Variants in GAPVD1 observed in about 807,000 individuals in gnomAD.
GAPVD1 encodes the protein GTPase-activating protein and VPS9 domain-containing protein 1.
Under a neutral mutation model 155.5 loss-of-function variants are expected in GAPVD1, and 35 were observed. The ratio of observed to expected loss-of-function variants is 0.23; its 90% confidence interval spans 0.17 to 0.30. GAPVD1 has a LOEUF of 0.30. GAPVD1 is among the 10% of genes least tolerant of loss of function. The pLI is 1.00. For missense variants in GAPVD1, 1,429 were observed against 1,775.7 expected, an observed-to-expected ratio of 0.80 and a Z score of 3.51; for synonymous variants, 636 against 619.7, an observed-to-expected ratio of 1.03 and a Z score of -0.39.
chr9:125,275,900 G>A (rs529646942), intron 2 of GAPVD1, among the ~76,000 whole-genome samples: 1 of 152,322 alleles, frequency 6.6e-6, no homozygotes, highest in South Asian at 2.1e-4. Context: ...AGCTATTCAT[G>A]TGTATTGATA....
rs146803389 is a variant in GAPVD1 at position 125,335,183 on chromosome 9, A to G, written c.2429-1835A>G. Reference sequence around the variant, plus strand: ...CCGTGTGAGGCCAGATTTTCTTTATATACTTCAGCCAAAACAACATTTTCA... The same window carrying G: ...CCGTGTGAGGCCAGATTTTCTTTATGTACTTCAGCCAAAACAACATTTTCA... On this transcript the variant is annotated intron_variant, in intron 15 of 27. Coordinates refer to ENST00000297933, the MANE Select transcript of GAPVD1 (RefSeq NM_001282680.3). The G allele has an allele frequency of 1.8e-5, 14 of 768,798 alleles. No individual in the cohort carries two copies. The East Asian group carries it at 2.9e-4, about 16-fold the overall frequency. 47.6% of individuals were successfully genotyped at this position (768,798 alleles called of 1,614,324 possible).
chr9:125,357,986 A>C (rs182710539), intron 25 of GAPVD1, among the ~76,000 whole-genome samples: 3,750 of 150,520 alleles, frequency 0.025, 54 homozygotes, highest in Non-Finnish European at 0.027. Context: ...AAAAAAAAAA[A>C]ACACACACAC....
chr9:125,319,881 C>T (rs996437273), intron 9 of GAPVD1, among the ~76,000 whole-genome samples: 3 of 152,066 alleles, frequency 2.0e-5, no homozygotes, highest in African/African-American at 4.8e-5. Context: ...AGGCATGAGC[C>T]GCCACCGCTC....
intron 2 of GAPVD1, among the ~76,000 whole-genome samples, chr9:125,270,898 G>A (rs1025864581): frequency 2.0e-5 from 3 of 152,136 alleles, no homozygotes; most frequent in African/African-American, 4.8e-5. Context: ...GCGATGAGCC[G>A]AGATCGTGCC....
chr9:125,273,926 C>T (rs893156323), intron 2 of GAPVD1, among the ~76,000 whole-genome samples: 1 of 151,120 alleles, frequency 6.6e-6, no homozygotes, highest in African/African-American at 2.4e-5. Context: ...GAGCTCTTTT[C>T]TTTTTTTTAA....
At chr9:125,293,519 A>G (rs1243760067) in intron 2 of GAPVD1, among the ~76,000 whole-genome samples, 1 of 140,220 alleles carries the variant, frequency 7.1e-6, no homozygotes, top group Non-Finnish European at 1.5e-5. Flanking sequence ...GTGTGATCTC[A>G]GTTGACTCTA....
At chr9:125,325,539 A>AC (rs71374252) in intron 11 of GAPVD1, among the ~76,000 whole-genome samples, 8 of 148,998 alleles carry the variant, frequency 5.4e-5, no homozygotes, top group Admixed American at 2.0e-4. Flanking sequence ...AAAAAAAAAA[A>AC]GATGATGCCC....
chr9:125,355,499 A>G, intron 24 of GAPVD1, 145 bp from the exon 25 acceptor site: 1 of 588,764 alleles, frequency 1.7e-6, no homozygotes, highest in Non-Finnish European at 3.0e-6. Context: ...ATATTGTCCT[A>G]AAATAAACTA....
chr9:125,286,536 T>A (rs889200591), intron 2 of GAPVD1, among the ~76,000 whole-genome samples: 19 of 152,166 alleles, frequency 1.2e-4, no homozygotes, highest in African/African-American at 4.6e-4. Flanking sequence ...CAGGAAAAAA[T>A]TATATTTGTT....
intron 12 of GAPVD1, among the ~76,000 whole-genome samples, chr9:125,328,863 C>A (rs981762204): frequency 2.0e-5 from 3 of 152,000 alleles, no homozygotes; most frequent in Non-Finnish European, 4.4e-5. Context: ...CCGGACGGGG[C>A]GGCTGGCCGG....
chr9:125,295,896 G>T (rs757555348), intron 3 of GAPVD1, among the ~76,000 whole-genome samples: 1 of 152,028 alleles, frequency 6.6e-6, no homozygotes, highest in Admixed American at 6.6e-5. Flanking sequence ...GAGATTAGGC[G>T]ATTTGGCTAG....
intron 11 of GAPVD1, among the ~76,000 whole-genome samples, chr9:125,325,232 A>G (rs1486394325): frequency 6.7e-6 from 1 of 150,316 alleles, no homozygotes; most frequent in Non-Finnish European, 1.5e-5. Flanking sequence ...TTGAAAAAAA[A>G]AAAGATGGGC....
intron 8 of GAPVD1, chr9:125,308,387 AG>A (rs1842175342): frequency 6.5e-6 from 1 of 152,920 alleles, no homozygotes; most frequent in African/African-American, 2.4e-5. Flanking sequence ...CTTTCTACAA[AG>A]TTCTAAATAA....
At chr9:125,360,784 G>T in intron 27 of GAPVD1, 59 bp downstream of exon 27, 1 of 1,248,614 alleles carries the variant, frequency 8.0e-7, no homozygotes, top group Non-Finnish European at 1.2e-6. Flanking sequence ...AGGTGGCACA[G>T]GGCTTCACAC....
At chr9:125,345,400 C>T (rs111629653) in intron 19 of GAPVD1, among the ~76,000 whole-genome samples, 9 of 152,212 alleles carry the variant, frequency 5.9e-5, no homozygotes, top group Admixed American at 2.6e-4. Context: ...AGGCTGGTCT[C>T]GAACTCCTGA....
intron 2 of GAPVD1, among the ~76,000 whole-genome samples, chr9:125,288,626 C>G (rs1037604695): frequency 6.6e-6 from 1 of 152,132 alleles, no homozygotes; most frequent in African/African-American, 2.4e-5. Context: ...ATCCTCCCGC[C>G]TCAACTTCCC....
At chr9:125,346,724 A>G in intron 19 of GAPVD1, 95 bp from the exon 20 acceptor site, 1 of 973,808 alleles carries the variant, frequency 1.0e-6, no homozygotes, top group Non-Finnish European at 1.7e-6. Context: ...CTTACCTCCT[A>G]ATCTGCCTTT....
chr9:125,267,144 A>G (rs1003918607), intron 1 of GAPVD1, among the ~76,000 whole-genome samples: 2 of 152,180 alleles, frequency 1.3e-5, no homozygotes, highest in Admixed American at 6.5e-5. Context: ...TGTTCAGTAA[A>G]CATTCATATA....
intron 25 of GAPVD1, among the ~76,000 whole-genome samples, chr9:125,357,205 A>C (rs1318601018): frequency 6.6e-6 from 1 of 152,204 alleles, no homozygotes; most frequent in Non-Finnish European, 1.5e-5. Context: ...GAGACCAGGA[A>C]ATAATGCTTT....
Sources: gnomAD v4.1 joint callset for allele counts (sites outside exome capture counted in the v4.1 genomes callset) on GRCh38, gnomAD v4.1.1 for gene constraint, MANE v1.5 for transcripts, NCBI Gene and HGNC (gene_info 2026-07-23, HGNC 2026-07-21) for gene names.